VWF: variants seen among roughly 807,000 people sequenced by gnomAD.
VWF encodes the protein von Willebrand factor, also known as Factor VIII related antigen.
Under a neutral mutation model 308.6 loss-of-function variants are expected in VWF, and 176 were observed. That is an observed-to-expected ratio of 0.57 (90% CI 0.50 to 0.65). The LOEUF (loss-of-function observed/expected upper bound fraction) is 0.65. Ranked by LOEUF, VWF falls within the 30% of genes least tolerant of loss-of-function variation. The pLI is 0.00. For synonymous variants in VWF, 1,385 were observed against 1,443.4 expected, an observed-to-expected ratio of 0.96 and a Z score of 0.92; for missense variants, 3,146 against 3,648.2, an observed-to-expected ratio of 0.86 and a Z score of 3.55.
At chr12:6,056,255 T>C (rs1290661476) in intron 15 of VWF, among the ~76,000 whole-genome samples, 3 of 74,102 alleles carry the variant, frequency 4.0e-5, no homozygotes, top group Non-Finnish European at 8.4e-5. Flanking sequence ...GCAGCAAATG[T>C]CCCCAGAGCA....
Position 6,030,022 on chromosome 12 carries a change from C to T in VWF, c.2821-534G>A, listed in dbSNP as rs1385042290. Among the ~76,000 whole-genome samples, 3 of 152,184 alleles carry T rather than the reference C, an allele frequency of 2.0e-5. No individual in the cohort carries two copies. The East Asian group carries it at 5.8e-4, about 29-fold the overall frequency. On this transcript the variant is annotated intron_variant, in intron 21 of 51. Coordinates refer to ENST00000261405, the MANE Select transcript of VWF (RefSeq NM_000552.5). Reference sequence around the variant, plus strand: ...CAGTGCTAGTGCTGGGAATCACACACTGCAGGTTCAAGAAGGGCTCTGACC... The same window carrying T: ...CAGTGCTAGTGCTGGGAATCACACATTGCAGGTTCAAGAAGGGCTCTGACC...
intron 3 of VWF, among the ~76,000 whole-genome samples, chr12:6,111,442 G>A (rs1157097232): frequency 6.6e-6 from 1 of 152,166 alleles, no homozygotes; most frequent in African/African-American, 2.4e-5. Context: ...ATGTGAACAT[G>A]GCTCGCTGCA....
intron 22 of VWF, among the ~76,000 whole-genome samples, chr12:6,028,476 A>C (rs533135681): frequency 6.6e-6 from 1 of 152,316 alleles, no homozygotes; most frequent in East Asian, 1.9e-4. Flanking sequence ...ACCAGGTTGA[A>C]ATGAAGGAAA....
At chr12:5,985,753 G>A (rs1241070767) in intron 38 of VWF, 88 bp from the exon 39 acceptor site, 4 of 1,247,694 alleles carry the variant, frequency 3.2e-6, no homozygotes, top group East Asian at 5.0e-5. Flanking sequence ...CCTGCCTCCG[G>A]CAAGGGCCAG....
At chr12:6,021,328 G>A (rs554806139) in intron 27 of VWF, 21 of 158,526 alleles carry the variant, frequency 1.3e-4, no homozygotes, top group Non-Finnish European at 2.5e-4. Context: ...AGGGCTCAGA[G>A]CTCACCCTGA....
intron 43 of VWF, among the ~76,000 whole-genome samples, chr12:5,972,418 A>G (rs1943486619): frequency 1.3e-5 from 2 of 152,200 alleles, no homozygotes; most frequent in African/African-American, 4.8e-5. Flanking sequence ...CAAAGCAATG[A>G]CAGTGTGTTT....
chr12:5,949,316 G>C, intron 51 of VWF, 113 bp from the exon 52 acceptor site: 1 of 1,118,672 alleles, frequency 8.9e-7, no homozygotes, highest in South Asian at 1.3e-5. Flanking sequence ...AGGCAGGTCT[G>C]ATCTCACCCA....
intron 11 of VWF, among the ~76,000 whole-genome samples, 168 bp from the exon 12 acceptor site, chr12:6,064,552 G>A (rs932470644): frequency 6.6e-6 from 1 of 152,162 alleles, no homozygotes; most frequent in Non-Finnish European, 1.5e-5. Flanking sequence ...GCCCCCTAGA[G>A]TTGTGCAGCA....
chr12:6,082,237 T>C (rs1944921324), intron 6 of VWF, among the ~76,000 whole-genome samples: 1 of 152,244 alleles, frequency 6.6e-6, no homozygotes, highest in African/African-American at 2.4e-5. Context: ...AGTGCTGGGA[T>C]TGCAGGCGTG....
At chr12:5,991,490 A>G (rs1025145973) in intron 38 of VWF, among the ~76,000 whole-genome samples, 3 of 152,172 alleles carry the variant, frequency 2.0e-5, no homozygotes, top group Non-Finnish European at 4.4e-5. Context: ...GACACAAAAT[A>G]TTCTTTTCCC....
intron 17 of VWF, among the ~76,000 whole-genome samples, chr12:6,045,855 C>A (rs959910839): frequency 3.9e-5 from 6 of 152,188 alleles, no homozygotes; most frequent in African/African-American, 1.4e-4. Context: ...AATAAGGGTG[C>A]TGCAATCCAT....
chr12:6,048,210 C>T (rs1031930937), intron 16 of VWF, among the ~76,000 whole-genome samples: 125 of 152,226 alleles, frequency 8.2e-4, no homozygotes, highest in African/African-American at 2.9e-3. Flanking sequence ...ACTCTGTCAC[C>T]AGGCTGGAGT....
chr12:6,025,927 C>T lies in VWF; in HGVS notation c.3087G>A (p.Ser1029=), dbSNP rs372073860. The change falls in exon 23 of 52, where the codon TCG becomes TCA. Residue 1029 remains serine, a synonymous_variant. Coordinates refer to ENST00000261405, the MANE Select transcript of VWF (RefSeq NM_000552.5). ...GTACTTTTCTGGTGTCAGCACACTG[C>T]GAGCTCACTTTCCAGGAGTTCCCAA... The part of the protein sequence containing the change: ...VDFGNSWKVS[S]QCADTRKVPL... 33 of 1,613,890 alleles carry T rather than the reference C, an allele frequency of 2.0e-5. No homozygotes were observed. The highest frequency in any genetic ancestry group is 4.0e-5 in the African/African-American group (3 of 74,932).
At position 5,991,916 on chromosome 12, in the gene VWF, C is replaced by T; in HGVS notation, c.6701G>A (p.Gly2234Asp). ...GACTTTATCTGGAGGGCAGAAACAG[C>T]CTTCGGAGGGATGGTCCCCACAGGA... The part of the protein sequence containing the change: ...VSSCGDHPSE[G>D]CFCPPDKVML... Residue 2234 changes from glycine (G) to aspartate (D), a missense_variant, in exon 38 of 52, where the codon GGC (glycine) becomes GAC (aspartate). Physicochemically the swap from Gly to Asp is moderately conservative, Grantham distance 94. Coordinates refer to ENST00000261405, the MANE Select transcript of VWF (RefSeq NM_000552.5). The T allele has an allele frequency of 6.2e-7, 1 of 1,614,196 alleles. No individual in the cohort carries two copies. Among genetic ancestry groups the T allele is most frequent in the Non-Finnish European group, 8.5e-7 (1 of 1,180,042 alleles).
Position 6,011,697 on chromosome 12 carries a change from C to T in VWF, c.5762G>A (p.Arg1921Gln), listed in dbSNP as rs770879215. The change falls in exon 34 of 52, where the codon CGG becomes CAG. Residue 1921 changes from arginine (R) to glutamine (Q), a missense_variant. Coordinates refer to ENST00000261405, the MANE Select transcript of VWF (RefSeq NM_000552.5). ...LLKSHRVNCDRGLRPSCPNSQ... is the reference protein window; with the variant it reads ...LLKSHRVNCDQGLRPSCPNSQ... ...GTTAGGGCACGAAGGCCTCAGCCCC[C>T]GGTCACAGTTGACCCGATGACTCTT... The T allele has an allele frequency of 3.7e-5, 59 of 1,613,880 alleles. No homozygotes were observed. The highest frequency in any genetic ancestry group is 3.4e-4 in the South Asian group (31 of 91,048).
intron 38 of VWF, among the ~76,000 whole-genome samples, chr12:5,991,028 C>G (rs950328972): frequency 1.3e-5 from 2 of 151,682 alleles, no homozygotes; most frequent in South Asian, 4.2e-4. Context: ...ATTCTGAGAT[C>G]AACTCCATTA....
chr12:6,027,882 A>ACC (rs1555195669), intron 22 of VWF, among the ~76,000 whole-genome samples: 2 of 146,874 alleles, frequency 1.4e-5, no homozygotes, highest in Non-Finnish European at 3.0e-5. Context: ...ACACACACAC[A>ACC]CCCCTAAACA....
Position 6,046,788 on chromosome 12 carries a change from G to A in VWF, c.2216C>T (p.Thr739Ile). Residue 739 changes from threonine to isoleucine, a missense_variant, in exon 17 of 52, where the codon ACC becomes ATC. Transcript: ENST00000261405. The surrounding 1 kb of genome is among the most constrained non-coding windows in gnomAD (Gnocchi z 5.0). ...CAAGCTTCCGGGGACTCCACTCATG[G>A]TACAGTGCATGAAGCCATCCTCACA... ...CYCEDGFMHC[T>I]MSGVPGSLLP... 6.2e-7 allele frequency: 1 copy of A among 1,614,128 alleles called. No individual in the cohort carries two copies. The highest frequency in any genetic ancestry group is 1.3e-5 in the African/African-American group (1 of 75,062).
Position 5,995,985 on chromosome 12 carries a change from C to T in VWF, c.6063+17G>A, listed in dbSNP as rs1422886758. On this transcript the variant is annotated intron_variant, in intron 35 of 51. Transcript: ENST00000261405. Reference sequence around the variant, plus strand: ...ATTCTATTGCCTTACCACGGATCCACAGAAAGTACTTCTCACCTCCATGTC... The same window carrying T: ...ATTCTATTGCCTTACCACGGATCCATAGAAAGTACTTCTCACCTCCATGTC... The T allele has an allele frequency of 6.2e-6, 10 of 1,610,724 alleles. No individual in the cohort carries two copies. The highest frequency in any genetic ancestry group is 8.5e-6 in the Non-Finnish European group (10 of 1,179,200).
Sources: gnomAD v4.1 joint callset for allele counts (sites outside exome capture counted in the v4.1 genomes callset) on GRCh38, gnomAD v4.1.1 for gene constraint, Gnocchi (gnomAD v3.1) non-coding constraint, MANE v1.5 for transcripts, NCBI Gene and HGNC (gene_info 2026-07-23, HGNC 2026-07-21) for gene names.